The following KCNH7 variants were observed in gnomAD, a reference collection of about 807,000 sequenced individuals.
KCNH7 encodes potassium voltage-gated channel subfamily H member 7.
In KCNH7, 49 loss-of-function variants were observed where a neutral mutation model predicts 120.8. The ratio of observed to expected loss-of-function variants is 0.41; its 90% CI spans 0.32 to 0.51. KCNH7 has a LOEUF of 0.51. Among genes scored for constraint, KCNH7 ranks in the 20% least tolerant of loss-of-function variants. The pLI is 0.38. For missense variants in KCNH7, 1,097 were observed against 1,446.6 expected (o/e 0.76, Z 3.92); for synonymous variants, 547 against 516.1 (o/e 1.06, Z -0.81).
At chr2:162,542,592 A>G (rs1394256921) in intron 2 of KCNH7, among the ~76,000 whole-genome samples, 2 of 151,836 alleles carry the variant, frequency 1.3e-5, no homozygotes, top group Non-Finnish European at 2.9e-5. Flanking sequence ...ATCATTTTTT[A>G]TGGCTGCACA....
At chr2:162,427,351 TG>T (rs1312186466) in intron 8 of KCNH7, among the ~76,000 whole-genome samples, 2 of 152,124 alleles carry the variant, frequency 1.3e-5, no homozygotes, top group Non-Finnish European at 2.9e-5. Context: ...AAATACTATT[TG>T]TTCCATATCC....
At chr2:162,423,212 A>G in intron 9 of KCNH7, 124 bp downstream of exon 9, 2 of 1,576,216 alleles carry the variant, frequency 1.3e-6, no homozygotes, top group South Asian at 2.4e-5. Flanking sequence ...AGGGGAGAAA[A>G]TACACATCCG....
At chr2:162,577,957 T>C (rs991777820) in intron 2 of KCNH7, among the ~76,000 whole-genome samples, 2 of 152,042 alleles carry the variant, frequency 1.3e-5, no homozygotes, top group African/African-American at 4.8e-5. Flanking sequence ...AAACGGAGCC[T>C]AAGGAGATTA....
At chr2:162,416,890 G>A (rs1428329347) in intron 9 of KCNH7, among the ~76,000 whole-genome samples, 2 of 152,042 alleles carry the variant, frequency 1.3e-5, no homozygotes, top group Non-Finnish European at 2.9e-5. Context: ...AGGTATATCT[G>A]GCATGAAACG....
At chr2:162,588,511 C>A (rs1317756427) in intron 2 of KCNH7, among the ~76,000 whole-genome samples, 1 of 151,916 alleles carries the variant, frequency 6.6e-6, no homozygotes, top group Non-Finnish European at 1.5e-5. Flanking sequence ...ATTTATGAAC[C>A]TCTTGTTGAA....
At chr2:162,691,674 G>A (rs953001201) in intron 2 of KCNH7, among the ~76,000 whole-genome samples, 4 of 151,992 alleles carry the variant, frequency 2.6e-5, no homozygotes, top group Admixed American at 2.0e-4. Context: ...ATGTATATGA[G>A]GCATAATTTA....
intron 6 of KCNH7, among the ~76,000 whole-genome samples, chr2:162,491,933 T>C (rs1690324691): frequency 6.6e-6 from 1 of 152,112 alleles, no homozygotes; most frequent in South Asian, 2.1e-4. Flanking sequence ...GGATGGGTAA[T>C]TGTGTCCTGT....
intron 7 of KCNH7, among the ~76,000 whole-genome samples, chr2:162,436,168 G>A (rs1028228893): frequency 6.6e-6 from 1 of 152,066 alleles, no homozygotes; most frequent in Non-Finnish European, 1.5e-5. Context: ...ATGGATTGGG[G>A]TAGAAACTGC....
rs202118316 is a variant in KCNH7, at chr2:162,718,037, CCTCT to C, written c.307+118496_307+118499del. Among the ~76,000 whole-genome samples the C allele has an allele frequency of 8.2e-3, 1,244 of 151,116 alleles. 16 individuals carry two copies. Among genetic ancestry groups the C allele is most frequent in the African/African-American group, 0.029 (1,197 of 41,294 alleles). On this transcript the variant is annotated intron_variant, in intron 2 of 15. Transcript: ENST00000332142. ...GTCTCTCTCCCTTTTTCTCTCTCTC[CCTCT>C]CTCTCTCTTTTTTTTTTCTTTAATC...
At chr2:162,503,999 A>C (rs1690778020) in intron 6 of KCNH7, among the ~76,000 whole-genome samples, 1 of 152,026 alleles carries the variant, frequency 6.6e-6, no homozygotes, top group Non-Finnish European at 1.5e-5. Context: ...TCTTTTCCCC[A>C]AGTTAACTGA....
chr2:162,755,180 A>G (rs1191643154), intron 2 of KCNH7, among the ~76,000 whole-genome samples: 1 of 152,094 alleles, frequency 6.6e-6, no homozygotes, highest in African/African-American at 2.4e-5. Flanking sequence ...ATTACATAAA[A>G]AAAAAGGCCA....
At chr2:162,582,960 T>C (rs1693926868) in intron 2 of KCNH7, among the ~76,000 whole-genome samples, 1 of 152,122 alleles carries the variant, frequency 6.6e-6, no homozygotes, top group Non-Finnish European at 1.5e-5. Context: ...CTTCCCACGC[T>C]GAGTAGCATT....
intron 2 of KCNH7, among the ~76,000 whole-genome samples, chr2:162,744,792 C>T (rs1237686013): frequency 6.6e-6 from 1 of 152,076 alleles, no homozygotes; most frequent in East Asian, 1.9e-4. Flanking sequence ...CCAGGATGGT[C>T]TCGGTCTCCT....
intron 6 of KCNH7, among the ~76,000 whole-genome samples, chr2:162,486,042 C>T (rs1440835716): frequency 6.6e-6 from 1 of 152,128 alleles, no homozygotes; most frequent in Non-Finnish European, 1.5e-5. Context: ...CAATAGGAAG[C>T]AGGAAGTAGA....
At chr2:162,656,600 A>G (rs931163622) in intron 2 of KCNH7, among the ~76,000 whole-genome samples, 9 of 152,200 alleles carry the variant, frequency 5.9e-5, no homozygotes, top group African/African-American at 2.2e-4. Context: ...TCTCCTTTCC[A>G]CTTCTATGAG....
intron 6 of KCNH7, among the ~76,000 whole-genome samples, chr2:162,494,735 G>T (rs756306283): frequency 2.6e-5 from 4 of 152,182 alleles, no homozygotes; most frequent in Non-Finnish European, 5.9e-5. Flanking sequence ...TTTATAATCA[G>T]ATATAGGACT....
At chr2:162,701,092 AG>A (rs1455278550) in intron 2 of KCNH7, among the ~76,000 whole-genome samples, 3 of 152,208 alleles carry the variant, frequency 2.0e-5, no homozygotes, top group Non-Finnish European at 1.5e-5. Context: ...GAACTATTAT[AG>A]TACAGTCAAT....
intron 13 of KCNH7, among the ~76,000 whole-genome samples, chr2:162,383,053 C>T (rs1197041499): frequency 1.3e-5 from 2 of 151,682 alleles, no homozygotes; most frequent in Admixed American, 6.6e-5. Context: ...AATTGGAAGG[C>T]GTAGCAAAGA....
At chr2:162,413,918 C>A (rs1044156758) in intron 9 of KCNH7, among the ~76,000 whole-genome samples, 1 of 150,894 alleles carries the variant, frequency 6.6e-6, no homozygotes, top group African/African-American at 2.4e-5. Context: ...TAAAATAATA[C>A]GGAAAAAATA....
Sources: gnomAD v4.1 joint callset for allele counts (sites outside exome capture counted in the v4.1 genomes callset) on GRCh38, gnomAD v4.1.1 for gene constraint, MANE v1.5 for transcripts, NCBI Gene and HGNC (gene_info 2026-07-23, HGNC 2026-07-21) for gene names.